Variants in TMOD3 observed in about 807,000 individuals in gnomAD.
TMOD3 encodes the protein tropomodulin 3, also known as tropomodulin-3.
In TMOD3, 20 loss-of-function variants were observed where a neutral mutation model predicts 39.2. The observed-to-expected ratio is 0.51, with a 90% CI of 0.36 to 0.74. TMOD3 has a LOEUF of 0.74. TMOD3 is among the 30% of genes least tolerant of loss of function. The probability of loss-of-function intolerance (pLI) is 0.00; values close to 1 mark genes in which losing one functional copy is unlikely to be tolerated. For synonymous variants in TMOD3, 143 were observed against 145.8 expected (o/e 0.98, Z 0.14); for missense variants, 381 against 412.8 (o/e 0.92, Z 0.67).
At chr15:51,881,536 ATCTT>A (rs1295653405) in intron 3 of TMOD3, among the ~76,000 whole-genome samples, 6 of 140,928 alleles carry the variant, frequency 4.3e-5, no homozygotes, top group East Asian at 2.1e-4. Flanking sequence ...CGGAGATACA[ATCTT>A]TCTTTATTTC....
At chr15:51,896,756 A>G (rs1019085121) in intron 7 of TMOD3, among the ~76,000 whole-genome samples, 3 of 152,040 alleles carry the variant, frequency 2.0e-5, no homozygotes, top group Admixed American at 1.3e-4. Context: ...TAAAACATAA[A>G]TGGAATCATG....
chr15:51,839,319 G>A (rs10851503), intron 1 of TMOD3, among the ~76,000 whole-genome samples: 56,048 of 150,904 alleles, frequency 0.37, 10,734 homozygotes, highest in Admixed American at 0.43. Context: ...AAAGGCACGT[G>A]CCACCATGCC....
chr15:51,854,071 A>G (rs2056376377), intron 1 of TMOD3, among the ~76,000 whole-genome samples: 2 of 152,212 alleles, frequency 1.3e-5, no homozygotes, highest in Non-Finnish European at 2.9e-5. Flanking sequence ...GAGATAATAT[A>G]GGAAAACTAG....
At chr15:51,904,767 C>T (rs941983358) in intron 9 of TMOD3, among the ~76,000 whole-genome samples, 4 of 152,126 alleles carry the variant, frequency 2.6e-5, no homozygotes, top group African/African-American at 7.2e-5. Flanking sequence ...TGGGCAAATG[C>T]AAGATGGGGT....
At chr15:51,857,989 A>G (rs997598416) in intron 1 of TMOD3, 6 of 152,178 alleles carry the variant, frequency 3.9e-5, no homozygotes, top group African/African-American at 1.4e-4. Context: ...ATTGAATCTT[A>G]TCTGAAGACT....
chr15:51,914,011 T>C lies in TMOD3; in HGVS notation c.*5201T>C, dbSNP rs2056723123. 1 of 44,658 alleles carries C rather than the reference T, an allele frequency of 2.2e-5. No individual in the cohort carries two copies. Among genetic ancestry groups the C allele is most frequent in the Admixed American group, 3.7e-4 (1 of 2,724 alleles). 2.8% of individuals were successfully genotyped at this position (44,658 alleles called of 1,614,324 possible). A position where few individuals can be genotyped will look rare whatever the true frequency, so the allele number is the denominator to read the frequency against. On this transcript the variant is annotated 3_prime_UTR_variant, in exon 10 of 10. Transcript: ENST00000308580. Reference sequence around the variant, plus strand: ...CTGGGCAATGAGAGTGAAACTCTTATCTCAAAAAAAAAAAAAAAAAAAGAG... The same window carrying C: ...CTGGGCAATGAGAGTGAAACTCTTACCTCAAAAAAAAAAAAAAAAAAAGAG...
chr15:51,882,696 A>G (rs1272413201), intron 3 of TMOD3, among the ~76,000 whole-genome samples: 1 of 152,100 alleles, frequency 6.6e-6, no homozygotes, highest in African/African-American at 2.4e-5. Context: ...GTCCACCAAC[A>G]CTGTTTTGAT....
intron 8 of TMOD3, chr15:51,901,592 TG>T: frequency 3.0e-6 from 1 of 332,006 alleles, no homozygotes. Context: ...TGTGTGTGTG[TG>T]TGTGTGTGTG....
intron 2 of TMOD3, 87 bp downstream of exon 2, chr15:51,863,097 T>C: frequency 2.9e-6 from 4 of 1,388,570 alleles, no homozygotes; most frequent in Non-Finnish European, 3.9e-6. Context: ...CCATGACTTT[T>C]CTCTGGCACC....
Position 51,914,728 on chromosome 15 carries a change from ATTAAG to A in TMOD3, c.*5921_*5925del, listed in dbSNP as rs2056726174. On this transcript the variant is annotated 3_prime_UTR_variant, in exon 10 of 10. Coordinates refer to ENST00000308580, the MANE Select transcript of TMOD3 (RefSeq NM_014547.5). The stretch of plus-strand genomic sequence containing the variant: ...TTTGCTAACATAGCTGTAACAAATT[ATTAAG>A]TTCTTTTTTTTTTTTAAGATGGAGG... The A allele has an allele frequency of 6.6e-6, 1 of 151,744 alleles. No homozygotes were observed. 9.4% of individuals were successfully genotyped at this position (151,744 alleles called of 1,614,324 possible).
intron 1 of TMOD3, among the ~76,000 whole-genome samples, chr15:51,830,124 G>T (rs1405312969): frequency 1.3e-5 from 2 of 152,260 alleles, no homozygotes; most frequent in East Asian, 1.9e-4. Context: ...TTCGGGACCG[G>T]CCCCCTCCCC....
chr15:51,870,645 G>A (rs552862303), intron 3 of TMOD3, among the ~76,000 whole-genome samples: 20 of 152,270 alleles, frequency 1.3e-4, no homozygotes, highest in Admixed American at 6.5e-4. Flanking sequence ...TAGGTAAGCC[G>A]TAAGCTCTGC....
intron 3 of TMOD3, among the ~76,000 whole-genome samples, chr15:51,885,173 A>G (rs941793143): frequency 6.6e-6 from 1 of 152,018 alleles, no homozygotes; most frequent in Non-Finnish European, 1.5e-5. Context: ...TATAATTATT[A>G]TCATTTTTCC....
At chr15:51,847,389 C>A (rs2056341084) in intron 1 of TMOD3, among the ~76,000 whole-genome samples, 1 of 152,172 alleles carries the variant, frequency 6.6e-6, no homozygotes, top group South Asian at 2.1e-4. Context: ...AAAGACAGGG[C>A]TACTTAGGTT....
intron 2 of TMOD3, among the ~76,000 whole-genome samples, chr15:51,866,067 T>C (rs940414103): frequency 2.0e-5 from 3 of 152,162 alleles, no homozygotes; most frequent in African/African-American, 7.2e-5. Context: ...GTAATTATGA[T>C]CTATTAGCTT....
Position 51,889,038 on chromosome 15 carries a change from C to T in TMOD3, c.407-18C>T. On this transcript the variant is annotated intron_variant, in intron 4 of 9. Coordinates refer to ENST00000308580, the MANE Select transcript of TMOD3 (RefSeq NM_014547.5). ...TCATGTTTAAAACAATAAAAACTTT[C>T]TTTTTCTGTATTTATAGCAATTCTT... 6.6e-7 allele frequency: 1 copy of T among 1,516,468 alleles called. No individual in the cohort carries two copies. Among genetic ancestry groups the T allele is most frequent in the Non-Finnish European group, 8.9e-7 (1 of 1,118,086 alleles). The allele number at this position is 1,516,468 out of a possible 1,614,324, so 93.9% of individuals were successfully genotyped here. A position where few individuals can be genotyped will look rare whatever the true frequency, so the allele number is the denominator to read the frequency against.
intron 5 of TMOD3, among the ~76,000 whole-genome samples, chr15:51,890,836 TAGA>T (rs1407868206): frequency 1.3e-5 from 2 of 152,214 alleles, no homozygotes; most frequent in Non-Finnish European, 2.9e-5. Flanking sequence ...CAAACACACA[TAGA>T]AGAAGAGAGA....
rs981415374 is a variant in TMOD3, at chr15:51,912,926, G to A, written c.*4116G>A. On this transcript the variant is annotated 3_prime_UTR_variant, in exon 10 of 10. Coordinates refer to ENST00000308580, the MANE Select transcript of TMOD3 (RefSeq NM_014547.5). Reference sequence around the variant, plus strand: ...TTGCTTACCAACAAATCAAAGAAACGCTTCACTAATTATTTTTAAATTGAG... The same window carrying A: ...TTGCTTACCAACAAATCAAAGAAACACTTCACTAATTATTTTTAAATTGAG... 1.3e-5 allele frequency: 2 copies of A among 152,150 alleles called. No individual in the cohort carries two copies. Among genetic ancestry groups the A allele is most frequent in the Admixed American group, 1.3e-4 (2 of 15,256 alleles). The allele number at this position is 152,150 out of a possible 1,614,324, so 9.4% of individuals were successfully genotyped here. A position where few individuals can be genotyped will look rare whatever the true frequency, so the allele number is the denominator to read the frequency against.
At chr15:51,890,337 A>AT (rs34989450) in intron 5 of TMOD3, among the ~76,000 whole-genome samples, 51,363 of 128,142 alleles carry the variant, frequency 0.4, 10,636 homozygotes, top group Non-Finnish European at 0.46. Flanking sequence ...TGTCCAGCTA[A>AT]TTTTTTTTTT....
Sources: gnomAD v4.1 joint callset for allele counts (sites outside exome capture counted in the v4.1 genomes callset) on GRCh38, gnomAD v4.1.1 for gene constraint, MANE v1.5 for transcripts, NCBI Gene and HGNC (gene_info 2026-07-23, HGNC 2026-07-21) for gene names.